The following ABCA4 variants were observed in gnomAD, a reference collection of about 807,000 sequenced individuals.
The protein encoded by ABCA4 is ATP binding cassette subfamily A member 4, also known as retinal-specific phospholipid-transporting ATPase ABCA4.
ABCA4 carries 196 observed loss-of-function variants against 263.7 expected under a neutral mutation model. The ratio of observed to expected loss-of-function variants is 0.74; its 90% CI spans 0.66 to 0.84. The LOEUF (loss-of-function observed/expected upper bound fraction) is 0.84, where lower values mean the gene tolerates loss of function less well. Ranked by LOEUF, ABCA4 falls within the 40% of genes least tolerant of loss-of-function variation. ABCA4 has a pLI of 0.00. For missense variants in ABCA4, 2,792 were observed against 2,855.1 expected (o/e 0.98, Z 0.50); for synonymous variants, 1,133 against 1,094.2 (o/e 1.04, Z -0.70).
At position 94,037,136 on chromosome 1, in the gene ABCA4, C is replaced by G. The variant is rs1226566179; in HGVS notation, c.3813+9G>C. 6 of 1,613,666 alleles carry G rather than the reference C, an allele frequency of 3.7e-6. No homozygotes were observed. The highest frequency in any genetic ancestry group is 1.7e-4 in the Middle Eastern group (1 of 6,032). On this transcript the variant is annotated intron_variant, in intron 25 of 49. Transcript: ENST00000370225. ...ACTTGACAGAAACCAGCTGGAATCT[C>G]TACTTTACCTCTTCCAGGGGAGTGT...
rs1297410481 is a variant in ABCA4 at position 94,044,691 on chromosome 1, C to T, written c.2972G>A (p.Gly991Glu). ...PPTSGTVLVG[G>E]RDIETSLDAV... Reference sequence around the variant, plus strand: ...ATCCAGGCTGGTTTCAATGTCCCTTCCCCCAACGAGCACAGTCCCAGAGGT... The same window carrying T: ...ATCCAGGCTGGTTTCAATGTCCCTTTCCCCAACGAGCACAGTCCCAGAGGT... Residue 991 changes from glycine (G) to glutamate (E), a missense_variant, in exon 20 of 50, where the codon GGA becomes GAA. Coordinates refer to ENST00000370225, the MANE Select transcript of ABCA4 (RefSeq NM_000350.3). 6.2e-7 allele frequency: 1 copy of T among 1,614,184 alleles called. No individual in the cohort carries two copies. Among genetic ancestry groups the T allele is most frequent in the Non-Finnish European group, 8.5e-7 (1 of 1,180,032 alleles).
chr1:94,065,751 A>C (rs780427544), intron 11 of ABCA4, among the ~76,000 whole-genome samples: 9 of 152,238 alleles, frequency 5.9e-5, no homozygotes, highest in Non-Finnish European at 1.3e-4. Context: ...GCCCAGGCTT[A>C]AGTGACACCA....
chr1:94,089,848 T>C (rs1455897281), intron 6 of ABCA4, among the ~76,000 whole-genome samples: 3 of 152,222 alleles, frequency 2.0e-5, no homozygotes, highest in Non-Finnish European at 4.4e-5. Flanking sequence ...ATATTAAATA[T>C]TGAAATACAT....
Position 94,005,441 on chromosome 1 carries a change from C to G in ABCA4, c.6147G>C (p.Lys2049Asn). Residue 2049 changes from lysine to asparagine, a missense_variant and splice_region_variant, in exon 44 of 50, where the codon AAG becomes AAC. Coordinates refer to ENST00000370225, the MANE Select transcript of ABCA4 (RefSeq NM_000350.3). ...GTGGCCACAACAAAACATTTTTCAC[C>G]TTTTCGATTTCTTCTGCTGGTACAC... ...LRGVPAEEIE[K>N]VANWSIKSLG... 6.2e-7 allele frequency: 1 copy of G among 1,614,086 alleles called. No individual in the cohort carries two copies. The highest frequency in any genetic ancestry group is 8.5e-7 in the Non-Finnish European group (1 of 1,180,006).
chr1:94,024,122 G>A (rs1212241014), intron 31 of ABCA4, among the ~76,000 whole-genome samples: 1 of 152,234 alleles, frequency 6.6e-6, no homozygotes, highest in Non-Finnish European at 1.5e-5. Flanking sequence ...TTTGCAGTGT[G>A]TTCTAGTTAA....
At position 94,028,343 on chromosome 1, in the gene ABCA4, A is replaced by T. The variant is rs535319464; in HGVS notation, c.4539+1102T>A. On this transcript the variant is annotated intron_variant, in intron 30 of 49. Transcript: ENST00000370225. ...TCTCTAAATCCCCCAGGAGATGCTC[A>T]CTGTAATCTGTTCTGGACTTTAGAA... Among the ~76,000 whole-genome samples the T allele has an allele frequency of 9.2e-5, 14 of 152,296 alleles. No individual in the cohort carries two copies. In the South Asian group the frequency reaches 2.9e-3, roughly 32 times the overall value.
intron 40 of ABCA4, 143 bp from the exon 41 acceptor site, chr1:94,009,014 C>T: frequency 3.3e-6 from 4 of 1,220,108 alleles, no homozygotes; most frequent in Non-Finnish European, 4.6e-6. Context: ...AAAAAGGGCT[C>T]CCAGCAGGAG....
chr1:94,052,817 T>C (rs1030647264), intron 16 of ABCA4, among the ~76,000 whole-genome samples: 3 of 152,188 alleles, frequency 2.0e-5, no homozygotes, highest in Admixed American at 6.5e-5. Flanking sequence ...CTAAAACCCT[T>C]GGAATTTCCT....
At chr1:94,001,741 C>T in intron 45 of ABCA4, 117 bp downstream of exon 45, 2 of 1,464,334 alleles carry the variant, frequency 1.4e-6, no homozygotes, top group Non-Finnish European at 1.9e-6. Context: ...AGGAAACAGT[C>T]CAGACTAAAG....
At chr1:94,064,859 A>G (rs191810306) in intron 11 of ABCA4, among the ~76,000 whole-genome samples, 4 of 152,242 alleles carry the variant, frequency 2.6e-5, no homozygotes, top group East Asian at 3.9e-4. Flanking sequence ...GGCCTTAAAC[A>G]GCCACAGAAG....
chr1:94,023,996 G>A (rs1047822613), intron 31 of ABCA4, among the ~76,000 whole-genome samples: 13 of 152,146 alleles, frequency 8.5e-5, no homozygotes, highest in Non-Finnish European at 1.9e-4. Context: ...ATTTCATACT[G>A]GAGATTTGCT....
intron 47 of ABCA4, among the ~76,000 whole-genome samples, chr1:94,000,054 C>A (rs1272432612): frequency 6.6e-6 from 1 of 152,236 alleles, no homozygotes; most frequent in Admixed American, 6.5e-5. Flanking sequence ...CTGTGTAACA[C>A]CCTCCTGTGG....
chr1:93,993,755 CT>C (rs1207852532), intron 49 of ABCA4, among the ~76,000 whole-genome samples: 1 of 151,890 alleles, frequency 6.6e-6, no homozygotes, highest in Admixed American at 6.6e-5. Flanking sequence ...AAAGCTTGGG[CT>C]TTGATTAATA....
chr1:94,032,001 G>C lies in ABCA4; in HGVS notation c.3905C>G (p.Pro1302Arg). Residue 1302 changes from proline (P) to arginine (R), a missense_variant, in exon 27 of 50, where the codon CCC (proline) becomes CGC (arginine). Pro to Arg is a moderately radical substitution (Grantham distance 103). Coordinates refer to ENST00000370225, the MANE Select transcript of ABCA4 (RefSeq NM_000350.3). ...QKRENVNPRH[P>R]CLGPREKAGQ... ...AGCCTTCTCTCTGGGACCCAAGCAG[G>C]GGTGTCGGGGGTTGACGTTTTCTCT... 1.2e-6 allele frequency: 2 copies of C among 1,613,726 alleles called. No homozygotes were observed. Among genetic ancestry groups the C allele is most frequent in the Non-Finnish European group, 1.7e-6 (2 of 1,180,036 alleles).
intron 22 of ABCA4, among the ~76,000 whole-genome samples, chr1:94,042,227 G>T (rs1660510893): frequency 1.3e-5 from 2 of 152,104 alleles, no homozygotes; most frequent in South Asian, 4.1e-4. Flanking sequence ...GCTCTGGCTT[G>T]ACCACGGGGT....
rs121909205 is a variant in ABCA4, at chr1:94,120,994, G to A, written c.52C>T (p.Arg18Trp). The A allele has an allele frequency of 1.4e-5, 22 of 1,606,580 alleles. No individual in the cohort carries two copies. The highest frequency in any genetic ancestry group is 1.4e-4 in the Admixed American group (8 of 59,084). The change falls in exon 1 of 50, where the codon CGG becomes TGG. Residue 18 changes from arginine to tryptophan, a missense_variant. Arg to Trp is a moderately radical substitution (Grantham distance 101, BLOSUM62 -3). Coordinates refer to ENST00000370225, the MANE Select transcript of ABCA4 (RefSeq NM_000350.3). The stretch of plus-strand genomic sequence containing the variant: ...GTAACTGTTACCTTTTGCCTTTTCC[G>A]CAGGGTCCAGTTCTTCCAGAGCAAA... ...QLLLWKNWTL[R>W]KRQKIRFVVE...
At chr1:94,028,930 A>AAAAAC (rs35998587) in intron 30 of ABCA4, among the ~76,000 whole-genome samples, 2,044 of 107,860 alleles carry the variant, frequency 0.019, 302 homozygotes, top group African/African-American at 0.049. Context: ...AAAAAAAAAA[A>AAAAAC]GAAATTCAAA....
intron 32 of ABCA4, 134 bp downstream of exon 32, chr1:94,023,252 C>T (rs185550099): frequency 5.5e-5 from 40 of 726,774 alleles, no homozygotes; most frequent in Admixed American, 4.3e-4. Context: ...TTCTTCAGGA[C>T]GTGTCTTGTG....
rs1191234 is a variant in ABCA4, at chr1:94,008,464, G to A, written c.5836-167C>T. ...TGTGGTGAGTACTGAGACATCTCGA[G>A]GCTGACCCATGCTCTGCAGAAACAG... On this transcript the variant is annotated intron_variant, in intron 41 of 49. Coordinates refer to ENST00000370225, the MANE Select transcript of ABCA4 (RefSeq NM_000350.3). Among the ~76,000 whole-genome samples the A allele has an allele frequency of 0.87, 132,859 of 152,190 alleles. 58,317 individuals are homozygous for A. Among genetic ancestry groups the A allele is most frequent in the East Asian group, 0.99 (5,091 of 5,166 alleles).
Sources: allele counts gnomAD v4.1 joint callset (sites outside exome capture counted in the v4.1 genomes callset), GRCh38; gene constraint gnomAD v4.1.1; transcripts MANE v1.5; gene names NCBI Gene and HGNC (gene_info 2026-07-23, HGNC 2026-07-21).